Variants in TMEM135 observed in about 807,000 individuals in gnomAD.
TMEM135 encodes transmembrane protein 135.
In TMEM135, 30 loss-of-function variants were observed where a neutral mutation model predicts 60.3. The observed-to-expected ratio is 0.50, with a 90% CI of 0.37 to 0.68. The LOEUF (loss-of-function observed/expected upper bound fraction) is 0.68. Ranked by LOEUF, TMEM135 falls within the 30% of genes least tolerant of loss-of-function variation. TMEM135 has a pLI of 0.00. For synonymous variants in TMEM135, 190 were observed against 186.7 expected (o/e 1.02, Z -0.14); for missense variants, 468 against 548.8 (o/e 0.85, Z 1.47).
At chr11:87,041,648 T>G (rs990754314) in intron 1 of TMEM135, among the ~76,000 whole-genome samples, 11 of 152,228 alleles carry the variant, frequency 7.2e-5, no homozygotes, top group Non-Finnish European at 1.3e-4. Context: ...TAATAGTGCA[T>G]TAATTATGAT....
At chr11:87,233,788 A>AGT (rs1277386800) in intron 5 of TMEM135, among the ~76,000 whole-genome samples, 1 of 152,096 alleles carries the variant, frequency 6.6e-6, no homozygotes, top group Non-Finnish European at 1.5e-5. Context: ...CAGCTAGCTC[A>AGT]GTGAGTATGG....
intron 4 of TMEM135, among the ~76,000 whole-genome samples, chr11:87,151,244 G>GT (rs1242598910): frequency 6.6e-6 from 1 of 151,882 alleles, no homozygotes; most frequent in Non-Finnish European, 1.5e-5. Flanking sequence ...CTATTTCTTT[G>GT]TTTTTCTGTT....
At chr11:87,122,525 A>G (rs1381312797) in intron 4 of TMEM135, among the ~76,000 whole-genome samples, 2 of 151,298 alleles carry the variant, frequency 1.3e-5, no homozygotes, top group African/African-American at 2.4e-5. Flanking sequence ...CAGTGTCATA[A>G]TCTCGGCTCA....
rs527770625 is a variant in TMEM135, at chr11:87,067,929, T to G, written c.269+108T>G. 168 of 1,363,832 alleles carry G rather than the reference T, an allele frequency of 1.2e-4. No individual in the cohort carries two copies. In the African/African-American group the frequency reaches 2.2e-3, roughly 18 times the overall value. 84.5% of individuals were successfully genotyped at this position (1,363,832 alleles called of 1,614,324 possible). A position where few individuals can be genotyped will look rare whatever the true frequency, so the allele number is the denominator to read the frequency against. On this transcript the variant is annotated intron_variant, in intron 2 of 14. Coordinates refer to ENST00000305494, the MANE Select transcript of TMEM135 (RefSeq NM_022918.4). ...GTGGGTTACTATCCCCGCCCCCCCTTTTTTTAATCTGTGAAGTGACATTTA... is the reference window on the plus strand; with the variant it reads ...GTGGGTTACTATCCCCGCCCCCCCTGTTTTTAATCTGTGAAGTGACATTTA...
chr11:87,251,458 C>T (rs779083251), intron 6 of TMEM135, among the ~76,000 whole-genome samples: 16 of 152,142 alleles, frequency 1.1e-4, no homozygotes, highest in Admixed American at 9.8e-4. Flanking sequence ...AACTTTGCTA[C>T]ACCTCATTTT....
intron 1 of TMEM135, among the ~76,000 whole-genome samples, chr11:87,066,108 T>A (rs1470188608): frequency 6.6e-6 from 1 of 152,194 alleles, no homozygotes; most frequent in African/African-American, 2.4e-5. Context: ...GATTTGTTGA[T>A]CACTGACTTT....
intron 5 of TMEM135, among the ~76,000 whole-genome samples, chr11:87,193,831 T>A (rs1173912698): frequency 6.7e-6 from 1 of 149,974 alleles, no homozygotes; most frequent in Non-Finnish European, 1.5e-5. Flanking sequence ...ATTATACTTG[T>A]TTTGAATTTT....
chr11:87,157,008 C>G (rs1938713559), intron 4 of TMEM135, among the ~76,000 whole-genome samples: 1 of 151,456 alleles, frequency 6.6e-6, no homozygotes, highest in African/African-American at 2.4e-5. Context: ...TAACTTCTAG[C>G]TCTTATTGTG....
chr11:87,325,505 T>A lies in TMEM135; in HGVS notation c.*4172T>A, dbSNP rs61911676. On this transcript the variant is annotated 3_prime_UTR_variant, in exon 15 of 15. Transcript: ENST00000305494. Reference sequence around the variant, plus strand: ...TTTATGTGGGCTCTCTCTCTCTCCCTCTCTCTCTCTCTCTGTCTGTCTCTC... The same window carrying A: ...TTTATGTGGGCTCTCTCTCTCTCCCACTCTCTCTCTCTCTGTCTGTCTCTC... 1 of 182,288 alleles carries A rather than the reference T, an allele frequency of 5.5e-6. No individual in the cohort carries two copies. Among genetic ancestry groups the A allele is most frequent in the East Asian group, 1.7e-4 (1 of 5,948 alleles). The allele number at this position is 182,288 out of a possible 1,614,324, so 11.3% of individuals were successfully genotyped here. A position where few individuals can be genotyped will look rare whatever the true frequency, so the allele number is the denominator to read the frequency against.
At chr11:87,273,103 C>T (rs968776676) in intron 6 of TMEM135, among the ~76,000 whole-genome samples, 9 of 152,042 alleles carry the variant, frequency 5.9e-5, no homozygotes, top group Admixed American at 5.9e-4. Context: ...TTATTCCATC[C>T]AAAGCTTTGG....
At chr11:87,149,094 C>A (rs1270741628) in intron 4 of TMEM135, among the ~76,000 whole-genome samples, 1 of 150,420 alleles carries the variant, frequency 6.6e-6, no homozygotes, top group African/African-American at 2.5e-5. Flanking sequence ...TCCAGAGATT[C>A]TTATTTCTCA....
Position 87,137,820 on chromosome 11 carries a change from A to G in TMEM135, c.397-19521A>G, listed in dbSNP as rs190990217. On this transcript the variant is annotated intron_variant, in intron 4 of 14. Coordinates refer to ENST00000305494, the MANE Select transcript of TMEM135 (RefSeq NM_022918.4). Reference sequence around the variant, plus strand: ...ATAGTATGTTGTTACGTCATGTCACATTGGGTAAAACATGACAGAACATAT... The same window carrying G: ...ATAGTATGTTGTTACGTCATGTCACGTTGGGTAAAACATGACAGAACATAT... Among the ~76,000 whole-genome samples the G allele has an allele frequency of 2.5e-3, 380 of 152,304 alleles. 1 individual carries two copies. The highest frequency in any genetic ancestry group is 3.7e-3 in the Non-Finnish European group (250 of 68,020).
chr11:87,104,396 C>T (rs1857541785), intron 4 of TMEM135, among the ~76,000 whole-genome samples: 1 of 152,042 alleles, frequency 6.6e-6, no homozygotes, highest in Non-Finnish European at 1.5e-5. Flanking sequence ...TCATTTTGCT[C>T]AGGATTCTTT....
At chr11:87,150,783 A>T (rs1318729187) in intron 4 of TMEM135, among the ~76,000 whole-genome samples, 1 of 152,044 alleles carries the variant, frequency 6.6e-6, no homozygotes, top group Non-Finnish European at 1.5e-5. Flanking sequence ...TAAGTTTGTT[A>T]TCTTGTTCCG....
At chr11:87,111,650 C>CAAA (rs746609752) in intron 4 of TMEM135, among the ~76,000 whole-genome samples, 9 of 73,898 alleles carry the variant, frequency 1.2e-4, no homozygotes, top group Admixed American at 1.7e-4. Context: ...GACTCCGTCT[C>CAAA]AAAAAAAAAA....
At chr11:87,129,241 TTTTTTTTTTTTTTTTTTTTG>T (rs1937833705) in intron 4 of TMEM135, among the ~76,000 whole-genome samples, 6 of 16,520 alleles carry the variant, frequency 3.6e-4, no homozygotes, top group Admixed American at 2.0e-3. Context: ...TTTTTTTTTT[TTTTTTTTTTTTTTTTTTTTG>T]AGACGGAGTC....
chr11:87,276,665 ATTTT>A (rs11340916), intron 6 of TMEM135, among the ~76,000 whole-genome samples: 10 of 115,638 alleles, frequency 8.6e-5, no homozygotes, highest in African/African-American at 1.3e-4. Flanking sequence ...GTGTTTGTGA[ATTTT>A]TTTTTTTTTT....
chr11:87,219,089 T>C (rs1188072492), intron 5 of TMEM135, among the ~76,000 whole-genome samples: 1 of 152,184 alleles, frequency 6.6e-6, no homozygotes, highest in African/African-American at 2.4e-5. Flanking sequence ...ATTAAAACAT[T>C]AGAAATATTT....
chr11:87,059,333 C>T (rs1248478272), intron 1 of TMEM135, among the ~76,000 whole-genome samples: 1 of 143,766 alleles, frequency 7.0e-6, no homozygotes, highest in African/African-American at 2.6e-5. Context: ...GAGATGGAGT[C>T]TCGCTCTGTT....
Sources: gnomAD v4.1 joint callset for allele counts (sites outside exome capture counted in the v4.1 genomes callset) on GRCh38, gnomAD v4.1.1 for gene constraint, MANE v1.5 for transcripts, NCBI Gene and HGNC (gene_info 2026-07-23, HGNC 2026-07-21) for gene names.